Variants in ACTR2 observed in about 807,000 individuals in gnomAD.
ACTR2 encodes actin-related protein 2.
ACTR2 carries 5 observed loss-of-function variants against 50.2 expected under a neutral mutation model. The ratio of observed to expected loss-of-function variants is 0.10; its 90% CI spans 0.05 to 0.21. The LOEUF is 0.21. Ranked by LOEUF, ACTR2 falls within the 10% of genes least tolerant of loss-of-function variation. The pLI, the probability that ACTR2 is intolerant of heterozygous loss-of-function variation, is 1.00. For synonymous variants in ACTR2, 140 were observed against 162.9 expected (o/e 0.86, Z 1.07); for missense variants, 180 against 480.6 (o/e 0.37, Z 5.85).
chr2:65,264,554 G>C (rs185458064), intron 7 of ACTR2, among the ~76,000 whole-genome samples: 3 of 152,080 alleles, frequency 2.0e-5, no homozygotes, highest in East Asian at 3.9e-4. Flanking sequence ...CAGAAAAGAG[G>C]GTACTGCTAT....
In ACTR2 at chr2:65,270,009, C is replaced by T. The variant is rs1275793381; in HGVS notation, c.*1275C>T. On this transcript the variant is annotated 3_prime_UTR_variant, in exon 9 of 9. Coordinates refer to ENST00000260641, the MANE Select transcript of ACTR2 (RefSeq NM_005722.4). ...AGAAGAGTCTTTGGTATTTTGTAAACGTTAGCAGACTTTCCTGCCAGTGTC... is the reference window on the plus strand; with the variant it reads ...AGAAGAGTCTTTGGTATTTTGTAAATGTTAGCAGACTTTCCTGCCAGTGTC... The T allele has an allele frequency of 3.9e-5, 6 of 152,120 alleles. No individual in the cohort carries two copies. Among genetic ancestry groups the T allele is most frequent in the Non-Finnish European group, 8.8e-5 (6 of 68,024 alleles). 9.4% of individuals were successfully genotyped at this position (152,120 alleles called of 1,614,324 possible). A position where few individuals can be genotyped will look rare whatever the true frequency, so the allele number is the denominator to read the frequency against.
intron 8 of ACTR2, 188 bp downstream of exon 8, chr2:65,265,363 T>C (rs1026273028): frequency 2.2e-5 from 15 of 693,504 alleles, no homozygotes; most frequent in Non-Finnish European, 3.4e-5. Context: ...CTCTATAGAG[T>C]TGGTGGATGG....
chr2:65,233,205 G>T (rs1167303112), intron 1 of ACTR2, among the ~76,000 whole-genome samples: 1 of 151,920 alleles, frequency 6.6e-6, no homozygotes, highest in African/African-American at 2.4e-5. Flanking sequence ...ATGTTCGTCA[G>T]GCTGGTCTCC....
intron 1 of ACTR2, among the ~76,000 whole-genome samples, chr2:65,231,839 T>C (rs565818390): frequency 6.6e-6 from 1 of 152,286 alleles, no homozygotes; most frequent in South Asian, 2.1e-4. Context: ...ACACTAACAA[T>C]AGCTGATGAA....
At chr2:65,229,750 CAAAAAAAAA>C (rs57953942) in intron 1 of ACTR2, among the ~76,000 whole-genome samples, 20 of 54,054 alleles carry the variant, frequency 3.7e-4, no homozygotes, top group Non-Finnish European at 7.3e-4. Context: ...GACTCCGTCT[CAAAAAAAAA>C]AAAAAAAAAA....
In ACTR2 at chr2:65,239,972, T is replaced by C. The variant is rs765561113; in HGVS notation, c.159+10T>C. 6.7e-7 allele frequency: 1 copy of C among 1,494,470 alleles called. No homozygotes were observed. The highest frequency in any genetic ancestry group is 1.1e-5 in the South Asian group (1 of 88,172). 92.6% of individuals were successfully genotyped at this position (1,494,470 alleles called of 1,614,324 possible). A position where few individuals can be genotyped will look rare whatever the true frequency, so the allele number is the denominator to read the frequency against. On this transcript the variant is annotated intron_variant, in intron 2 of 8. Transcript: ENST00000260641. ...AAACATTGAAATCAAGGTAATATTT[T>C]ATTTATTGATAAATGATAATCAAGA...
chr2:65,254,221 G>T (rs192735570), intron 5 of ACTR2, among the ~76,000 whole-genome samples: 2 of 152,204 alleles, frequency 1.3e-5, no homozygotes, highest in Non-Finnish European at 2.9e-5. Flanking sequence ...AGCCTTTTCT[G>T]CCATAAAACC....
At chr2:65,257,831 T>C (rs1287795413) in intron 6 of ACTR2, among the ~76,000 whole-genome samples, 1 of 152,248 alleles carries the variant, frequency 6.6e-6, no homozygotes, top group Non-Finnish European at 1.5e-5. Context: ...CCTTGTAGAT[T>C]CTGGTTATTA....
intron 7 of ACTR2, among the ~76,000 whole-genome samples, chr2:65,263,348 T>G (rs1477138878): frequency 6.6e-6 from 1 of 151,748 alleles, no homozygotes; most frequent in Non-Finnish European, 1.5e-5. Context: ...GCCATTTGTC[T>G]ATTGCTCTTA....
rs138262060 is a variant in ACTR2 at position 65,271,043 on chromosome 2, A to T, written c.*2309A>T. ...CTACATTTGAGAAGGGTTTTTTTAGAAATACATTTAGTAAAGTCCCCAAGA... is the reference window on the plus strand; with the variant it reads ...CTACATTTGAGAAGGGTTTTTTTAGTAATACATTTAGTAAAGTCCCCAAGA... On this transcript the variant is annotated 3_prime_UTR_variant, in exon 9 of 9. Coordinates refer to ENST00000260641, the MANE Select transcript of ACTR2 (RefSeq NM_005722.4). 1.3e-3 allele frequency: 198 copies of T among 152,296 alleles called. No individual in the cohort carries two copies. Among genetic ancestry groups the T allele is most frequent in the African/African-American group, 4.6e-3 (193 of 41,584 alleles). 9.4% of individuals were successfully genotyped at this position (152,296 alleles called of 1,614,324 possible).
At chr2:65,228,041 C>T (rs1671560034) in intron 1 of ACTR2, 84 bp downstream of exon 1, 1 of 1,327,172 alleles carries the variant, frequency 7.5e-7, no homozygotes, top group Middle Eastern at 2.8e-4. Flanking sequence ...GCCCCCAGGG[C>T]TGCACCTCCG....
chr2:65,268,575 C>G lies in ACTR2; in HGVS notation c.1026C>G (p.Ile342Met). The G allele has an allele frequency of 6.2e-7, 1 of 1,612,496 alleles. No homozygotes were observed. Among genetic ancestry groups the G allele is most frequent in the Non-Finnish European group, 8.5e-7 (1 of 1,179,494 alleles). The change falls in exon 9 of 9, where the codon ATC becomes ATG. Residue 342 changes from isoleucine (I) to methionine (M), a missense_variant. By Grantham distance (10) the Ile-to-Met change is conservative. Coordinates refer to ENST00000260641, the MANE Select transcript of ACTR2 (RefSeq NM_005722.4). Reference protein sequence around the residue: ...GDVEKLSKFKIRIEDPPRRKH... With the variant: ...GDVEKLSKFKMRIEDPPRRKH... ...TCTTTCTCCTTTAGAAATTTAAGAT[C>G]CGCATTGAAGACCCACCCCGCAGAA...
At chr2:65,247,158 T>A (rs1007766643) in intron 3 of ACTR2, among the ~76,000 whole-genome samples, 1 of 152,136 alleles carries the variant, frequency 6.6e-6, no homozygotes, top group Non-Finnish European at 1.5e-5. Context: ...CAACCCTCCC[T>A]ACTCACGTGC....
chr2:65,228,708 C>T (rs1671579386), intron 1 of ACTR2, among the ~76,000 whole-genome samples: 1 of 152,170 alleles, frequency 6.6e-6, no homozygotes, highest in South Asian at 2.1e-4. Flanking sequence ...ATCCCACCCC[C>T]AGCCCCCTTT....
intron 1 of ACTR2, among the ~76,000 whole-genome samples, chr2:65,236,541 T>G (rs1671744810): frequency 6.6e-6 from 1 of 152,070 alleles, no homozygotes. Flanking sequence ...ATAGTAGCTT[T>G]CTTTTGTTGT....
chr2:65,267,510 G>A (rs1476874761), intron 8 of ACTR2, among the ~76,000 whole-genome samples: 1 of 152,050 alleles, frequency 6.6e-6, no homozygotes, highest in East Asian at 1.9e-4. Flanking sequence ...GGTCTTTTTT[G>A]CAGATCGTGA....
In ACTR2 at chr2:65,227,966, C is replaced by T. The variant is rs1671557769; in HGVS notation, c.48+9C>T. 6.6e-7 allele frequency: 1 copy of T among 1,504,726 alleles called. No homozygotes were observed. The highest frequency in any genetic ancestry group is 8.9e-7 in the Non-Finnish European group (1 of 1,127,874). The allele number at this position is 1,504,726 out of a possible 1,614,324, so 93.2% of individuals were successfully genotyped here. On this transcript the variant is annotated intron_variant, in intron 1 of 8. Transcript: ENST00000260641. ...GCGACAACGGCACCGGGGTAAGGGC[C>T]GCGCGAGGAGGCCTTGGCGGCCACA...
chr2:65,230,098 A>G (rs2103977014), intron 1 of ACTR2, among the ~76,000 whole-genome samples: 1 of 152,354 alleles, frequency 6.6e-6, no homozygotes, highest in South Asian at 2.1e-4. Context: ...ATTAAACTAT[A>G]TTTAAACTAA....
chr2:65,267,480 A>C (rs1441520425), intron 8 of ACTR2, among the ~76,000 whole-genome samples: 1 of 152,250 alleles, frequency 6.6e-6, no homozygotes, highest in East Asian at 1.9e-4. Context: ...CAAATGATTT[A>C]GAATGACATA....
Sources: gnomAD v4.1 joint callset for allele counts (sites outside exome capture counted in the v4.1 genomes callset) on GRCh38, gnomAD v4.1.1 for gene constraint, MANE v1.5 for transcripts, NCBI Gene and HGNC (gene_info 2026-07-23, HGNC 2026-07-21) for gene names.